EFCAB8: variants seen among roughly 807,000 people sequenced by gnomAD.
EFCAB8 encodes the protein EF-hand calcium binding domain 8, also known as EF-hand calcium-binding domain-containing protein 8.
EFCAB8 carries 100 observed loss-of-function variants against 116.3 expected under a neutral mutation model. The observed-to-expected ratio is 0.86, with a 90% CI of 0.73 to 1.02. The LOEUF (loss-of-function observed/expected upper bound fraction) is 1.02. EFCAB8 is among the 50% of genes least tolerant of loss of function. EFCAB8 has a pLI of 0.00. For missense variants in EFCAB8, 1,320 were observed against 1,416.9 expected (o/e 0.93, Z 1.10); for synonymous variants, 558 against 567.9 (o/e 0.98, Z 0.25).
chr20:32,927,314 T>G (rs911532752), intron 20 of EFCAB8, among the ~76,000 whole-genome samples: 1 of 152,142 alleles, frequency 6.6e-6, no homozygotes, highest in Non-Finnish European at 1.5e-5. Flanking sequence ...TTTCTTTGGA[T>G]TCACCATGAT....
chr20:32,887,059 AC>A (rs1985668168), intron 6 of EFCAB8, among the ~76,000 whole-genome samples: 1 of 152,036 alleles, frequency 6.6e-6, no homozygotes, highest in Admixed American at 6.6e-5. Context: ...CATTGTCTTC[AC>A]CGCCAGAACC....
Position 32,939,418 on chromosome 20 carries a change from G to A in EFCAB8, c.2791-4218G>A, listed in dbSNP as rs181775938. 5.5e-4 allele frequency among the ~76,000 whole-genome samples: 80 copies of A among 146,342 alleles called. 2 individuals are homozygous for A. The highest frequency in any genetic ancestry group is 1.9e-3 in the African/African-American group (76 of 38,976). ...CTGCCTCAGCCTCCCAAGTAGCTGG[G>A]ACTACAGGCATGTGCCACCATGCCT... is the stretch of plus-strand genomic sequence containing the variant. On this transcript the variant is annotated intron_variant, in intron 22 of 26. Coordinates refer to ENST00000400522, the MANE Select transcript of EFCAB8 (RefSeq NM_001143967.2).
chr20:32,946,112 G>A (rs369755895), intron 23 of EFCAB8, among the ~76,000 whole-genome samples: 3 of 152,206 alleles, frequency 2.0e-5, no homozygotes, highest in South Asian at 2.1e-4. Context: ...TCCACAGAGC[G>A]GCAGGAGGGA....
intron 5 of EFCAB8, among the ~76,000 whole-genome samples, chr20:32,883,836 G>A (rs1244234176): frequency 1.3e-5 from 2 of 151,984 alleles, no homozygotes; most frequent in South Asian, 2.1e-4. Flanking sequence ...GACTACAGGC[G>A]TGTGCTACCA....
intron 22 of EFCAB8, among the ~76,000 whole-genome samples, chr20:32,932,767 T>C (rs1987956945): frequency 6.6e-6 from 1 of 152,236 alleles, no homozygotes; most frequent in Non-Finnish European, 1.5e-5. Flanking sequence ...ATTTCACATA[T>C]GTGAAGGCAT....
chr20:32,960,366 G>A (rs1568953497), intron 26 of EFCAB8, among the ~76,000 whole-genome samples: 1 of 152,258 alleles, frequency 6.6e-6, no homozygotes, highest in Non-Finnish European at 1.5e-5. Flanking sequence ...GCTGAGGTCA[G>A]TGGTGCAGCT....
intron 20 of EFCAB8, among the ~76,000 whole-genome samples, chr20:32,929,500 CT>C (rs1987809440): frequency 1.1e-5 from 1 of 90,306 alleles, no homozygotes; most frequent in African/African-American, 4.1e-5. Flanking sequence ...CTCTTCCCTT[CT>C]GTTTTTTTTT....
At chr20:32,903,825 G>A (rs992776538) in intron 11 of EFCAB8, among the ~76,000 whole-genome samples, 2 of 152,154 alleles carry the variant, frequency 1.3e-5, no homozygotes, top group Admixed American at 1.3e-4. Context: ...GGGAGTGGAG[G>A]GAAGTAGGCA....
intron 10 of EFCAB8, chr20:32,898,235 T>G: frequency 2.5e-6 from 1 of 402,608 alleles, no homozygotes; most frequent in Non-Finnish European, 4.6e-6. Context: ...ACCTTCCCCA[T>G]CCTCTAACTC....
Position 32,865,777 on chromosome 20 carries a change from A to C in EFCAB8, c.43-1805A>C, listed in dbSNP as rs989412729. The stretch of plus-strand genomic sequence containing the variant: ...TCGCACCACGCTCCAGCTGGGTGAC[A>C]GAGTGAGACTCTGTCTCAAAAAAAA... On this transcript the variant is annotated intron_variant, in intron 2 of 26. Coordinates refer to ENST00000400522, the MANE Select transcript of EFCAB8 (RefSeq NM_001143967.2). 4.6e-5 allele frequency among the ~76,000 whole-genome samples: 7 copies of C among 151,212 alleles called. 1 individual carries two copies. The highest frequency in any genetic ancestry group is 1.5e-4 in the African/African-American group (6 of 41,232).
At chr20:32,919,754 C>T (rs1414394462) in intron 19 of EFCAB8, among the ~76,000 whole-genome samples, 2 of 152,150 alleles carry the variant, frequency 1.3e-5, no homozygotes, top group Non-Finnish European at 2.9e-5. Context: ...CCGCCTCAGC[C>T]TCCCAAAGTG....
chr20:32,872,360 C>T (rs895871596), intron 3 of EFCAB8, among the ~76,000 whole-genome samples: 2 of 152,154 alleles, frequency 1.3e-5, no homozygotes, highest in Admixed American at 1.3e-4. Context: ...CCATCACCGG[C>T]ACATCTCAGT....
Position 32,930,418 on chromosome 20 carries a change from G to T in EFCAB8, c.2433G>T (p.Arg811Ser). 1 of 1,551,146 alleles carries T rather than the reference G, an allele frequency of 6.4e-7. No individual in the cohort carries two copies. Among genetic ancestry groups the T allele is most frequent in the South Asian group, 1.2e-5 (1 of 84,044 alleles). ...CTCAGATAATCTTCCTGCAGACCAG[G>T]CCTCGCCTGCCGCACACGGCTGCCC... ...SVEKIIFLQT[R>S]PRLPHTAALL... The change falls in exon 21 of 27, where the codon AGG becomes AGT. Residue 811 changes from arginine (R) to serine (S), a missense_variant. Transcript: ENST00000400522.
At chr20:32,885,211 C>T (rs1390633022) in intron 5 of EFCAB8, among the ~76,000 whole-genome samples, 2 of 152,208 alleles carry the variant, frequency 1.3e-5, no homozygotes, top group East Asian at 1.9e-4. Context: ...CATCACGTCG[C>T]GAGGAGGCTG....
At chr20:32,953,454 A>G (rs942682599) in intron 23 of EFCAB8, among the ~76,000 whole-genome samples, 1 of 152,180 alleles carries the variant, frequency 6.6e-6, no homozygotes, top group African/African-American at 2.4e-5. Flanking sequence ...AACATGCACA[A>G]GGGTTCCAAT....
At position 32,930,444 on chromosome 20, in the gene EFCAB8, T is replaced by G. The variant is rs756782372; in HGVS notation, c.2459T>G (p.Leu820Arg). The G allele has an allele frequency of 3.2e-6, 5 of 1,551,840 alleles. 1 individual carries two copies. In the South Asian group the frequency reaches 5.9e-5, roughly 18 times the overall value. The change falls in exon 21 of 27, where the codon CTG (leucine) becomes CGG (arginine). Residue 820 changes from leucine (L) to arginine (R), a missense_variant. Physicochemically the swap from Leu to Arg is moderately radical, Grantham distance 102 (BLOSUM62 -2). Transcript: ENST00000400522. ...TRPRLPHTAA[L>R]LSSCMDGYIY... Reference sequence around the variant, plus strand: ...CCTCGCCTGCCGCACACGGCTGCCCTGCTGAGCAGCTGCATGGACGGCTAC... The same window carrying G: ...CCTCGCCTGCCGCACACGGCTGCCCGGCTGAGCAGCTGCATGGACGGCTAC...
intron 22 of EFCAB8, among the ~76,000 whole-genome samples, chr20:32,941,187 G>A (rs529664893): frequency 1.3e-5 from 2 of 149,130 alleles, no homozygotes; most frequent in South Asian, 2.1e-4. Context: ...GGGAGGCGGA[G>A]GTTGCAGTGA....
In EFCAB8 at chr20:32,878,881, C is replaced by T. The variant is rs912973262; in HGVS notation, c.431+74C>T. On this transcript the variant is annotated intron_variant, in intron 5 of 26. Coordinates refer to ENST00000400522, the MANE Select transcript of EFCAB8 (RefSeq NM_001143967.2). ...GCTGGTGCCAGCCTGCAGTGAGCCC[C>T]TCCCTCAATCCGTGACCTTGCTGGT... 3.9e-6 allele frequency: 5 copies of T among 1,291,898 alleles called. No individual in the cohort carries two copies. The East Asian group carries it at 1.0e-4, about 26-fold the overall frequency. 80.0% of individuals were successfully genotyped at this position (1,291,898 alleles called of 1,614,324 possible). A position where few individuals can be genotyped will look rare whatever the true frequency, so the allele number is the denominator to read the frequency against.
At chr20:32,935,188 C>CTTCTTTTTTTTTTTTT (rs1425422102) in intron 22 of EFCAB8, among the ~76,000 whole-genome samples, 3 of 66,930 alleles carry the variant, frequency 4.5e-5, no homozygotes, top group Non-Finnish European at 5.3e-5. Context: ...TTCTTTCTTT[C>CTTCTTTTTTTTTTTTT]TTTCTTTTTT....
Sources: gnomAD v4.1 joint callset for allele counts (sites outside exome capture counted in the v4.1 genomes callset) on GRCh38, gnomAD v4.1.1 for gene constraint, MANE v1.5 for transcripts, NCBI Gene and HGNC (gene_info 2026-07-23, HGNC 2026-07-21) for gene names.